Variants in IL3RA observed in about 807,000 individuals in gnomAD.
The protein encoded by IL3RA is interleukin-3 receptor subunit alpha.
In IL3RA, 73 loss-of-function variants were observed where a neutral mutation model predicts 52.3. The observed-to-expected ratio is 1.40, with a 90% CI of 1.16 to 1.70. The LOEUF (loss-of-function observed/expected upper bound fraction) is 1.70, where lower values mean the gene tolerates loss of function less well. Ranked by LOEUF, IL3RA falls within the 40% of genes most tolerant of loss-of-function variation. The probability of loss-of-function intolerance (pLI) is 0.00; values close to 1 mark genes in which losing one functional copy is unlikely to be tolerated. For missense variants in IL3RA, 664 were observed against 504.4 expected (o/e 1.32, Z -3.03); for synonymous variants, 260 against 194.0 (o/e 1.34, Z -2.83).
chrX:1,345,233 C>CA (rs112995756), intron 2 of IL3RA, 83 bp from the exon 3 acceptor site: 46,458 of 641,906 alleles, frequency 0.072, 43 homozygotes, highest in South Asian at 0.094. Context: ...ACTCCACGGG[C>CA]AAAAAAAAAA....
intron 2 of IL3RA, 77 bp from the exon 3 acceptor site, chrX:1,345,239 A>T (rs2085688535): frequency 9.6e-6 from 9 of 936,982 alleles, no homozygotes; most frequent in African/African-American, 1.7e-5. Flanking sequence ...CGGGCAAAAA[A>T]AAAAAACCAT....
intron 2 of IL3RA, among the ~76,000 whole-genome samples, chrX:1,344,951 A>G (rs1167725471): frequency 6.7e-6 from 1 of 150,100 alleles, no homozygotes; most frequent in African/African-American, 2.5e-5. Context: ...TCATGAGGTC[A>G]GGAGATCGAG....
At chrX:1,379,016 T>C (rs1428797506) in intron 10 of IL3RA, among the ~76,000 whole-genome samples, 1 of 151,900 alleles carries the variant, frequency 6.6e-6, no homozygotes, top group African/African-American at 2.4e-5. Context: ...CTAATTTTTG[T>C]ATTTTTAGTA....
At chrX:1,349,736 T>G (rs1271990333) in intron 4 of IL3RA, among the ~76,000 whole-genome samples, 1 of 151,012 alleles carries the variant, frequency 6.6e-6, no homozygotes, top group African/African-American at 2.4e-5. Context: ...GATTTCAGCT[T>G]ACCGCAAACT....
At chrX:1,348,696 C>CTTTCTTTCTTTCTT (rs2085922721) in intron 4 of IL3RA, 151 bp downstream of exon 4, 3 of 344,890 alleles carry the variant, frequency 8.7e-6, no homozygotes, top group East Asian at 3.8e-5. Context: ...CTTTCTTTTT[C>CTTTCTTTCTTTCTT]TTTCTTTCTG....
intron 6 of IL3RA, among the ~76,000 whole-genome samples, chrX:1,353,496 AC>A (rs1287332228): frequency 6.9e-6 from 1 of 144,808 alleles, no homozygotes; most frequent in African/African-American, 2.7e-5. Context: ...GAGTCATGGG[AC>A]CCCCCATCAT....
At chrX:1,358,935 G>A in intron 8 of IL3RA, 48 bp downstream of exon 8, 1 of 1,481,788 alleles carries the variant, frequency 6.7e-7, no homozygotes, top group Middle Eastern at 1.8e-4. Context: ...TGCAAAGGGT[G>A]AGTTTTATTA....
In IL3RA at chrX:1,352,554, C is replaced by T. The variant is rs745927510; in HGVS notation, c.616+48C>T. 19 of 1,576,032 alleles carry T rather than the reference C, an allele frequency of 1.2e-5. No homozygotes were observed. The East Asian group carries it at 1.8e-4, about 15-fold the overall frequency. ...TCCCACCCTCAGTTCTGTGATACCACGGCTTTAGCGCCAGGCCAGATCCCA... is the reference window on the plus strand; with the variant it reads ...TCCCACCCTCAGTTCTGTGATACCATGGCTTTAGCGCCAGGCCAGATCCCA... On this transcript the variant is annotated intron_variant, in intron 6 of 11. Coordinates refer to ENST00000331035, the MANE Select transcript of IL3RA (RefSeq NM_002183.4).
intron 1 of IL3RA, among the ~76,000 whole-genome samples, chrX:1,338,360 C>T (rs1431003775): frequency 6.7e-6 from 1 of 149,602 alleles, no homozygotes; most frequent in African/African-American, 2.5e-5. Flanking sequence ...GCCCTCATAC[C>T]CCATCTATAG....
chrX:1,346,765 CTG>C (rs2085760410), intron 3 of IL3RA, among the ~76,000 whole-genome samples: 1 of 151,402 alleles, frequency 6.6e-6, no homozygotes, highest in Non-Finnish European at 1.5e-5. Context: ...CCAGGTGACA[CTG>C]TGAGCTATTT....
chrX:1,337,613 G>A (rs7877303), intron 1 of IL3RA, among the ~76,000 whole-genome samples: 3,070 of 150,998 alleles, frequency 0.02, 33 homozygotes, highest in East Asian at 0.055. Context: ...TAGCCAAGAG[G>A]TGGAGACAGC....
At chrX:1,351,724 G>A (rs1362360193) in intron 4 of IL3RA, among the ~76,000 whole-genome samples, 1 of 149,628 alleles carries the variant, frequency 6.7e-6, no homozygotes, top group African/African-American at 2.5e-5. Context: ...TGCCTCCTGG[G>A]TTCAAGAAAT....
At chrX:1,347,410 A>C (rs1361236963) in intron 3 of IL3RA, among the ~76,000 whole-genome samples, 1 of 151,412 alleles carries the variant, frequency 6.6e-6, no homozygotes, top group East Asian at 1.9e-4. Context: ...GCGCCACTGC[A>C]CTCCAGCCTG....
At chrX:1,377,896 A>T (rs1391935758) in intron 9 of IL3RA, among the ~76,000 whole-genome samples, 2 of 151,078 alleles carry the variant, frequency 1.3e-5, no homozygotes, top group Non-Finnish European at 3.0e-5. Context: ...AGAAAAAAGA[A>T]AAAAAATAGG....
intron 10 of IL3RA, 142 bp from the exon 11 acceptor site, chrX:1,380,881 G>C: frequency 1.4e-6 from 1 of 719,902 alleles, no homozygotes; most frequent in South Asian, 1.7e-5. Context: ...GGCCTCAGGG[G>C]CCGGGAAAAT....
intron 1 of IL3RA, 132 bp from the exon 2 acceptor site, chrX:1,341,596 A>T (rs2085499522): frequency 7.3e-6 from 5 of 681,672 alleles, no homozygotes; most frequent in Non-Finnish European, 1.3e-5. Flanking sequence ...ATGCACACTC[A>T]CCACCGCTTT....
At chrX:1,379,783 G>T (rs1407734790) in intron 10 of IL3RA, among the ~76,000 whole-genome samples, 49 of 152,060 alleles carry the variant, frequency 3.2e-4, no homozygotes, top group African/African-American at 1.1e-3. Context: ...TTTAGAGAAG[G>T]AGTTTTGCTT....
intron 4 of IL3RA, 109 bp downstream of exon 4, chrX:1,348,654 C>CTTTCT: frequency 2.5e-6 from 1 of 406,528 alleles, no homozygotes; most frequent in South Asian, 3.2e-5. Context: ...CTCTTTCTTT[C>CTTTCT]TTTCTTTCTT....
chrX:1,352,184 C>CG lies in IL3RA; in HGVS notation c.388dup (p.Ala130GlyfsTer40), dbSNP rs769100065. 12 of 1,613,716 alleles carry CG rather than the reference C, an allele frequency of 7.4e-6. No individual in the cohort carries two copies. Among genetic ancestry groups the CG allele is most frequent in the East Asian group, 6.7e-5 (3 of 44,878 alleles). On this transcript the variant is annotated frameshift_variant, in exon 5 of 12. Transcript: ENST00000331035. LOFTEE classifies it high-confidence loss of function. ...TTGAGCTGCAGCTGGGCGGTAGGCC[C>CG]GGGGGCCCCCGCGGACGTCCAGTAC...
Sources: allele counts gnomAD v4.1 joint callset (sites outside exome capture counted in the v4.1 genomes callset), GRCh38; gene constraint gnomAD v4.1.1; transcripts MANE v1.5; gene names NCBI Gene and HGNC (gene_info 2026-07-23, HGNC 2026-07-21).